The following CRYBG3 variants were observed in gnomAD, a reference collection of about 807,000 sequenced individuals.
CRYBG3 encodes crystallin beta-gamma domain containing 3, also known as very large A-kinase anchor protein.
In CRYBG3, 127 loss-of-function variants were observed where a neutral mutation model predicts 244.2. That is an observed-to-expected ratio of 0.52 (90% CI 0.45 to 0.60). The LOEUF (loss-of-function observed/expected upper bound fraction) is 0.60. CRYBG3 is among the 20% of genes least tolerant of loss of function. The probability of loss-of-function intolerance (pLI) is 0.00; values close to 1 mark genes in which losing one functional copy is unlikely to be tolerated. For missense variants in CRYBG3, 3,325 were observed against 3,442.5 expected, an observed-to-expected ratio of 0.97 and a Z score of 0.85; for synonymous variants, 1,132 against 1,195.8, an observed-to-expected ratio of 0.95 and a Z score of 1.10.
intron 2 of CRYBG3, among the ~76,000 whole-genome samples, chr3:97,854,108 T>A (rs1051207042): frequency 2.0e-4 from 30 of 152,150 alleles, no homozygotes; most frequent in African/African-American, 6.8e-4. Flanking sequence ...TATTTTTGTA[T>A]GCTTTGTTGA....
Position 97,941,189 on chromosome 3 carries a change from A to C in CRYBG3, c.8547A>C (p.Glu2849Asp). The C allele has an allele frequency of 1.2e-6, 2 of 1,611,768 alleles. No homozygotes were observed. Among genetic ancestry groups the C allele is most frequent in the South Asian group, 2.2e-5 (2 of 90,944 alleles). The change falls in exon 20 of 22, where the codon GAA (glutamate) becomes GAC (aspartate). Residue 2849 changes from glutamate (E) to aspartate (D), a missense_variant. Around this residue, in one of 4 missense-constraint regions of CRYBG3, gnomAD observed 714 missense variants for 803.6 expected, o/e 0.89. Coordinates refer to ENST00000389622, the MANE Select transcript of CRYBG3 (RefSeq NM_153605.4). ...GAATAAAGAACCGTGCCCAGGGTGAATATCTGACAGTCACTGGAAGTCTAG... is the reference window on the plus strand; with the variant it reads ...GAATAAAGAACCGTGCCCAGGGTGACTATCTGACAGTCACTGGAAGTCTAG... ...YIRIKNRAQG[E>D]YLTVTGSLAD...
intron 7 of CRYBG3, among the ~76,000 whole-genome samples, 181 bp downstream of exon 7, chr3:97,881,400 A>G (rs773931709): frequency 2.0e-5 from 3 of 152,196 alleles, no homozygotes; most frequent in Non-Finnish European, 4.4e-5. Flanking sequence ...AAAAATATTA[A>G]CCAGAGGTAA....
Position 97,873,496 on chromosome 3 carries a change from C to A in CRYBG3, c.2302C>A (p.Leu768Ile). The change falls in exon 4 of 22, where the codon CTC becomes ATC. Residue 768 changes from leucine to isoleucine, a missense_variant. By Grantham distance (5) the Leu-to-Ile change is conservative (BLOSUM62 2). Transcript: ENST00000389622. ...GCTATTGAGCTTTGACTCTGGAAACCTCTCTAAGGATTGCAGTTCCATTTT... is the reference window on the plus strand; with the variant it reads ...GCTATTGAGCTTTGACTCTGGAAACATCTCTAAGGATTGCAGTTCCATTTT... The part of the protein sequence containing the change: ...LELLSFDSGN[L>I]SKDCSSILSQ... 1 of 1,535,972 alleles carries A rather than the reference C, an allele frequency of 6.5e-7. No individual in the cohort carries two copies. The highest frequency in any genetic ancestry group is 8.7e-7 in the Non-Finnish European group (1 of 1,146,818).
intron 3 of CRYBG3, among the ~76,000 whole-genome samples, 185 bp from the exon 4 acceptor site, chr3:97,871,657 G>A (rs1299693321): frequency 6.6e-6 from 1 of 152,122 alleles, no homozygotes; most frequent in Non-Finnish European, 1.5e-5. Context: ...ACATTCAGGT[G>A]CTACTTGTTA....
chr3:97,913,343 C>A (rs1051421887), intron 16 of CRYBG3, among the ~76,000 whole-genome samples: 1 of 152,092 alleles, frequency 6.6e-6, no homozygotes, highest in Non-Finnish European at 1.5e-5. Context: ...ACCCACTATA[C>A]CAGGGGTCAG....
Position 97,873,617 on chromosome 3 carries a change from A to C in CRYBG3, c.2423A>C (p.Lys808Thr), listed in dbSNP as rs1363417606. ...EKSDSLSLEA[K>T]TANIVSKAEI... is the part of the protein sequence containing the mutation. Reference sequence around the variant, plus strand: ...TCTGATTCTCTTTCCTTGGAAGCCAAAACTGCTAACATTGTATCAAAAGCT... The same window carrying C: ...TCTGATTCTCTTTCCTTGGAAGCCACAACTGCTAACATTGTATCAAAAGCT... The change falls in exon 4 of 22, where the codon AAA (lysine) becomes ACA (threonine). Residue 808 changes from lysine to threonine, a missense_variant. Transcript: ENST00000389622. 2 of 1,534,470 alleles carry C rather than the reference A, an allele frequency of 1.3e-6. No homozygotes were observed. Among genetic ancestry groups the C allele is most frequent in the Non-Finnish European group, 8.7e-7 (1 of 1,146,332 alleles).
rs779316588 is a variant in CRYBG3 at position 97,915,589 on chromosome 3, G to A, written c.8115-21G>A. On this transcript the variant is annotated intron_variant, in intron 16 of 21. Coordinates refer to ENST00000389622, the MANE Select transcript of CRYBG3 (RefSeq NM_153605.4). ...CCAAGTGAATGCAATTTGATTGAAT[G>A]TCTTACTGCTTGGCTTTTAGCTGGC... 1.1e-5 allele frequency: 17 copies of A among 1,600,876 alleles called. No homozygotes were observed. In the South Asian group the frequency reaches 1.3e-4, roughly 13 times the overall value.
At chr3:97,895,475 T>C (rs1436627783) in intron 11 of CRYBG3, among the ~76,000 whole-genome samples, 1 of 152,198 alleles carries the variant, frequency 6.6e-6, no homozygotes, top group Non-Finnish European at 1.5e-5. Context: ...TTGTATTTTG[T>C]TTTAGAACTG....
Position 97,889,431 on chromosome 3 carries a change from C to T in CRYBG3, c.7440+41C>T, listed in dbSNP as rs375389839. ...ATTTTTGTAGCAGGCTAAAGAGTCT[C>T]AGGATTAATATTTATTCCAATAATT... is the stretch of plus-strand genomic sequence containing the variant. On this transcript the variant is annotated intron_variant, in intron 10 of 21. Coordinates refer to ENST00000389622, the MANE Select transcript of CRYBG3 (RefSeq NM_153605.4). 622 of 1,484,248 alleles carry T rather than the reference C, an allele frequency of 4.2e-4. 3 individuals carry two copies. In the Middle Eastern group the frequency reaches 0.01, roughly 24 times the overall value. The allele number at this position is 1,484,248 out of a possible 1,614,324, so 91.9% of individuals were successfully genotyped here.
chr3:97,936,659 T>C, intron 18 of CRYBG3, 126 bp from the exon 19 acceptor site: 1 of 907,170 alleles, frequency 1.1e-6, no homozygotes, highest in Non-Finnish European at 1.6e-6. Context: ...TAGGAAAAAA[T>C]GTGCAATTTT....
In CRYBG3 at chr3:97,933,810, G is replaced by A. The variant is rs1575975375; in HGVS notation, c.8358G>A (p.Gln2786=). 6.2e-7 allele frequency: 1 copy of A among 1,612,458 alleles called. No individual in the cohort carries two copies. The highest frequency in any genetic ancestry group is 2.2e-5 in the East Asian group (1 of 44,824). Residue 2786 remains glutamine (Q), a synonymous_variant, in exon 18 of 22, where the codon CAG becomes CAA. Coordinates refer to ENST00000389622, the MANE Select transcript of CRYBG3 (RefSeq NM_153605.4). ...VLNKDLHFYT[Q]SVWVKSGLWI... ...ACAAGGACCTACACTTCTACACCCA[G>A]TCTGTGTGGGTAAAAAGTGGACTGT...
At position 97,900,461 on chromosome 3, in the gene CRYBG3, TG is replaced by T; in HGVS notation, c.7983del (p.Ile2662Ter). On this transcript the variant is annotated frameshift_variant, in exon 15 of 22. Transcript: ENST00000389622. LOFTEE classifies it high-confidence loss of function. ...SIRPIQLEPL[G>X]INEPPHLLKA... ...TTTAATATGTTTTTCAGGAACCACT[TG>T]GGATAAATGAACCTCCGCATTTGGT... is the stretch of plus-strand genomic sequence containing the variant. The T allele has an allele frequency of 6.4e-7, 1 of 1,555,126 alleles. No homozygotes were observed. Among genetic ancestry groups the T allele is most frequent in the South Asian group, 1.1e-5 (1 of 88,640 alleles).
chr3:97,869,007 G>GAA (rs35129956), intron 3 of CRYBG3, among the ~76,000 whole-genome samples: 2 of 144,334 alleles, frequency 1.4e-5, no homozygotes, highest in African/African-American at 5.0e-5. Flanking sequence ...TTAAAACTTT[G>GAA]AAAAAAAAAA....
At chr3:97,826,054 A>G (rs1336718331) in intron 1 of CRYBG3, among the ~76,000 whole-genome samples, 1 of 152,242 alleles carries the variant, frequency 6.6e-6, no homozygotes, top group Non-Finnish European at 1.5e-5. Context: ...AGTGAAGATG[A>G]CGAGAGAATT....
chr3:97,921,735 G>C (rs554593790), intron 17 of CRYBG3, among the ~76,000 whole-genome samples: 174 of 152,278 alleles, frequency 1.1e-3, no homozygotes, highest in African/African-American at 4.0e-3. Context: ...AGATACATGA[G>C]AACCTGTTGA....
At chr3:97,917,883 CTG>C (rs1442343161) in intron 17 of CRYBG3, among the ~76,000 whole-genome samples, 5 of 152,190 alleles carry the variant, frequency 3.3e-5, no homozygotes, top group Non-Finnish European at 5.9e-5. Flanking sequence ...CCTCCAGATT[CTG>C]TCTCATTTCC....
chr3:97,836,978 A>G (rs1395098352), intron 1 of CRYBG3: 1 of 152,094 alleles, frequency 6.6e-6, no homozygotes, highest in African/African-American at 2.4e-5. Context: ...TCTGACAGAG[A>G]TCTCATATCA....
intron 2 of CRYBG3, among the ~76,000 whole-genome samples, chr3:97,859,403 G>A (rs947691613): frequency 2.0e-5 from 3 of 152,102 alleles, no homozygotes; most frequent in Non-Finnish European, 2.9e-5. Flanking sequence ...CACATGCTAC[G>A]GGCTGCTTAA....
At chr3:97,842,571 T>A (rs2038836804) in intron 1 of CRYBG3, among the ~76,000 whole-genome samples, 1 of 151,546 alleles carries the variant, frequency 6.6e-6, no homozygotes, top group African/African-American at 2.4e-5. Flanking sequence ...AAAAAAAAAA[T>A]CTTAAATGTG....
Sources: allele counts gnomAD v4.1 joint callset (sites outside exome capture counted in the v4.1 genomes callset), GRCh38; gene constraint gnomAD v4.1.1; regional missense constraint gnomAD v4.1.1; transcripts MANE v1.5; gene names NCBI Gene and HGNC (gene_info 2026-07-23, HGNC 2026-07-21).